Variants in ASIC1 observed in about 807,000 individuals in gnomAD.
ASIC1 encodes acid sensing ion channel subunit 1.
Under a neutral mutation model 63.4 loss-of-function variants are expected in ASIC1, and 21 were observed. That is an observed-to-expected ratio of 0.33 (90% CI 0.23 to 0.48). The LOEUF (loss-of-function observed/expected upper bound fraction) is 0.48, where lower values mean the gene tolerates loss of function less well. Ranked by LOEUF, ASIC1 falls within the 20% of genes least tolerant of loss-of-function variation. The pLI, the probability that ASIC1 is intolerant of heterozygous loss-of-function variation, is 0.99. For missense variants in ASIC1, 478 were observed against 695.5 expected (o/e 0.69, Z 3.52); for synonymous variants, 258 against 278.2 (o/e 0.93, Z 0.72).
chr12:50,078,742 G>C lies in ASIC1; in HGVS notation c.994+165G>C. ...CTCAGTTCCCGCCTGCACCCCCAGG[G>C]ATGGGTGGGAAGGGTCTAGAAGGTA... is the stretch of plus-strand genomic sequence containing the variant. On this transcript the variant is annotated intron_variant, in intron 6 of 11. Transcript: ENST00000447966. The surrounding 1 kb of genome is among the most constrained non-coding windows in gnomAD (Gnocchi z 6.0). 1 of 1,346,582 alleles carries C rather than the reference G, an allele frequency of 7.4e-7. No homozygotes were observed. The allele number at this position is 1,346,582 out of a possible 1,614,324, so 83.4% of individuals were successfully genotyped here.
chr12:50,081,420 A>T, intron 11 of ASIC1, 56 bp downstream of exon 11: 1 of 1,265,684 alleles, frequency 7.9e-7, no homozygotes, highest in Non-Finnish European at 1.1e-6. Flanking sequence ...CCGCCCCAGG[A>T]ACCCCGTCCA....
At position 50,083,178 on chromosome 12, in the gene ASIC1, C is replaced by G. The variant is rs2137857872; in HGVS notation, c.*1529C>G. ...CCCAGCCCCCTTTCCTCACCTGATA[C>G]CCAAGCCCACCACTTTTATTTTCTG... On this transcript the variant is annotated 3_prime_UTR_variant, in exon 12 of 12. Coordinates refer to ENST00000447966, the MANE Select transcript of ASIC1 (RefSeq NM_001095.4). 1 of 152,370 alleles carries G rather than the reference C, an allele frequency of 6.6e-6. No individual in the cohort carries two copies. The highest frequency in any genetic ancestry group is 2.4e-5 in the African/African-American group (1 of 41,586). The allele number at this position is 152,370 out of a possible 1,614,324, so 9.4% of individuals were successfully genotyped here.
In ASIC1 at chr12:50,079,982, A is replaced by G. The variant is rs1444928883; in HGVS notation, c.1132A>G (p.Met378Val). The G allele has an allele frequency of 3.7e-6, 6 of 1,614,114 alleles. No homozygotes were observed. In the South Asian group the frequency reaches 4.4e-5, roughly 12 times the overall value. ...GACCCGCTATGGCAAAGAGCTGTCC[A>G]TGGTCAAGATCCCCAGCAAAGCCTC... ...NLTRYGKELS[M>V]VKIPSKASAK... is the part of the protein sequence containing the mutation. The change falls in exon 8 of 12, where the codon ATG becomes GTG. Residue 378 changes from methionine (M) to valine (V), a missense_variant. This residue lies in a region of ASIC1 where 84 missense variants were observed against 183.5 expected (regional missense o/e 0.46). Transcript: ENST00000447966.
Position 50,059,967 on chromosome 12 carries a change from G to T in ASIC1, c.558+13G>T, listed in dbSNP as rs370502413. The T allele has an allele frequency of 7.4e-6, 12 of 1,612,166 alleles. No homozygotes were observed. The African/African-American group carries it at 1.3e-4, about 18-fold the overall frequency. ...AGACTTCAAGGTGGTGAGTCCCCTC[G>T]TGTGGGGTGTGAGTCAGCCTGGCCC... On this transcript the variant is annotated intron_variant, in intron 3 of 11. Transcript: ENST00000447966. The surrounding 1 kb of genome is among the most constrained non-coding windows in gnomAD (Gnocchi z 4.6).
intron 3 of ASIC1, among the ~76,000 whole-genome samples, chr12:50,062,335 T>C (rs1376159985): frequency 6.6e-6 from 1 of 152,216 alleles, no homozygotes; most frequent in Non-Finnish European, 1.5e-5. Context: ...CCAAGAGGTG[T>C]GTTGGGAGTG....
At chr12:50,061,899 C>A (rs892942855) in intron 3 of ASIC1, among the ~76,000 whole-genome samples, 1 of 152,176 alleles carries the variant, frequency 6.6e-6, no homozygotes, top group African/African-American at 2.4e-5. Flanking sequence ...AGTTCTGGAG[C>A]AGTCTGAATT....
At position 50,081,926 on chromosome 12, in the gene ASIC1, C is replaced by G. The variant is rs544730677; in HGVS notation, c.*277C>G. 1.7e-5 allele frequency: 8 copies of G among 467,642 alleles called. No individual in the cohort carries two copies. The South Asian group carries it at 2.1e-4, about 12-fold the overall frequency. 29.0% of individuals were successfully genotyped at this position (467,642 alleles called of 1,614,324 possible). On this transcript the variant is annotated 3_prime_UTR_variant, in exon 12 of 12. Transcript: ENST00000447966. ...CCCTCTCTCCTCCATGCTGCCTCCCCTAGCTCCCAGCCTGAATTCTGTCTA... is the reference window on the plus strand; with the variant it reads ...CCCTCTCTCCTCCATGCTGCCTCCCGTAGCTCCCAGCCTGAATTCTGTCTA...
chr12:50,063,950 G>T (rs1230417101), intron 3 of ASIC1, among the ~76,000 whole-genome samples: 1 of 152,132 alleles, frequency 6.6e-6, no homozygotes, highest in Non-Finnish European at 1.5e-5. Flanking sequence ...TACTACTGGG[G>T]TCTGCACCCT....
At position 50,081,217 on chromosome 12, in the gene ASIC1, G is replaced by C. The variant is rs375416990; in HGVS notation, c.1377+36G>C. 149 of 1,606,276 alleles carry C rather than the reference G, an allele frequency of 9.3e-5. No individual in the cohort carries two copies. The African/African-American group carries it at 1.7e-3, about 18-fold the overall frequency. On this transcript the variant is annotated intron_variant, in intron 10 of 11. Coordinates refer to ENST00000447966, the MANE Select transcript of ASIC1 (RefSeq NM_001095.4). ...GCGAGGCCCGGCACGGGGCCACGTG[G>C]GGGCGGGGTCCAGCCCGCCCACCTG...
Position 50,081,364 on chromosome 12 carries a change from C to T in ASIC1, c.1482C>T (p.His494=), listed in dbSNP as rs1950715966. ...VALSLDDVKR[H]NPCESLRGHP... ...TCAGCCTGGACGACGTCAAAAGACACGTGAGGGAGCGAGCGAGGGCGCCCT... is the reference window on the plus strand; with the variant it reads ...TCAGCCTGGACGACGTCAAAAGACATGTGAGGGAGCGAGCGAGGGCGCCCT... Residue 494 remains histidine (H), a splice_region_variant and synonymous_variant, in exon 11 of 12, where the codon CAC becomes CAT. Transcript: ENST00000447966. The T allele has an allele frequency of 6.3e-7, 1 of 1,593,114 alleles. No individual in the cohort carries two copies.
At chr12:50,077,130 A>G (rs1950663097) in intron 3 of ASIC1, 83 bp from the exon 4 acceptor site, 10 of 1,606,320 alleles carry the variant, frequency 6.2e-6, no homozygotes, top group Non-Finnish European at 8.5e-6. Flanking sequence ...TTGAGATTCC[A>G]ACAGCTGGGG....
intron 9 of ASIC1, 31 bp downstream of exon 9, chr12:50,080,620 C>T (rs1485186811): frequency 1.9e-6 from 3 of 1,614,220 alleles, no homozygotes; most frequent in Non-Finnish European, 2.5e-6. Context: ...GTCCCCTTCT[C>T]ATGCCATGGG....
intron 9 of ASIC1, chr12:50,080,859 G>A (rs1392431038): frequency 5.7e-6 from 5 of 880,354 alleles, no homozygotes; most frequent in Admixed American, 2.8e-5. Context: ...AACTAAGAGG[G>A]TTGTGGTATT....
chr12:50,062,306 C>T (rs985259076), intron 3 of ASIC1, among the ~76,000 whole-genome samples: 19 of 152,212 alleles, frequency 1.2e-4, no homozygotes, highest in African/African-American at 4.6e-4. Context: ...GATTAACATC[C>T]TTGCCATTCT....
At chr12:50,064,301 C>G (rs1280241090) in intron 3 of ASIC1, among the ~76,000 whole-genome samples, 1 of 152,130 alleles carries the variant, frequency 6.6e-6, no homozygotes, top group Admixed American at 6.6e-5. Context: ...GGGAGCAGAG[C>G]CCATTGCAGT....
chr12:50,058,467 T>A (rs1233411061), intron 1 of ASIC1, among the ~76,000 whole-genome samples: 8 of 152,190 alleles, frequency 5.3e-5, no homozygotes, highest in Admixed American at 3.9e-4. Flanking sequence ...GCATCAGGAC[T>A]TCCCCCTCAA....
Position 50,077,352 on chromosome 12 carries a change from G to A in ASIC1, c.698G>A (p.Trp233Ter). The A allele has an allele frequency of 6.2e-7, 1 of 1,614,136 alleles. No homozygotes were observed. The highest frequency in any genetic ancestry group is 8.5e-7 in the Non-Finnish European group (1 of 1,180,002). Residue 233 changes from tryptophan (W) to a stop codon, truncating the protein, a stop_gained, in exon 4 of 12, where the codon TGG becomes TAG. Coordinates refer to ENST00000447966, the MANE Select transcript of ASIC1 (RefSeq NM_001095.4). LOFTEE classifies it high-confidence loss of function. ...CAGCAGGACGAGTACCTGCCTGTGT[G>A]GGGGGAGACTGGTACGTCACCCACT... is the stretch of plus-strand genomic sequence containing the variant. ...DIQQDEYLPVWGETDETSFEA... is the reference protein window; with the variant it reads ...DIQQDEYLPV
At chr12:50,079,410 C>G (rs528164227) in intron 7 of ASIC1, among the ~76,000 whole-genome samples, 6 of 151,528 alleles carry the variant, frequency 4.0e-5, no homozygotes, top group Non-Finnish European at 7.4e-5. Context: ...AAGACCCTGT[C>G]TGAGAATAAT....
Position 50,078,125 on chromosome 12 carries a change from C to A in ASIC1, c.835C>A (p.Arg279=), listed in dbSNP as rs771415566. 19 of 1,612,126 alleles carry A rather than the reference C, an allele frequency of 1.2e-5. No individual in the cohort carries two copies. Among genetic ancestry groups the A allele is most frequent in the Non-Finnish European group, 1.6e-5 (19 of 1,179,066 alleles). ...GACCTTTGTGGCCTGCCAGGAGCAG[C>A]GGGTGAGAGGGCCATGGGAGGCTGG... ...FQTFVACQEQ[R]LIYLPPPWGT... is the part of the protein sequence containing the mutation. The change falls in exon 5 of 12, where the codon CGG becomes AGG. Residue 279 remains arginine (R), a splice_region_variant and synonymous_variant. Coordinates refer to ENST00000447966, the MANE Select transcript of ASIC1 (RefSeq NM_001095.4). The surrounding 1 kb of genome is among the most constrained non-coding windows in gnomAD (Gnocchi z 6.0).
Sources: gnomAD v4.1 joint callset for allele counts (sites outside exome capture counted in the v4.1 genomes callset) on GRCh38, gnomAD v4.1.1 for gene constraint, gnomAD v4.1.1 regional missense constraint, Gnocchi (gnomAD v3.1) non-coding constraint, MANE v1.5 for transcripts, NCBI Gene and HGNC (gene_info 2026-07-23, HGNC 2026-07-21) for gene names.